The following CDH17 variants were observed in gnomAD, a reference collection of about 807,000 sequenced individuals.
CDH17 encodes cadherin-17.
In CDH17, 67 loss-of-function variants were observed where a neutral mutation model predicts 86.3. The ratio of observed to expected loss-of-function variants is 0.78; its 90% CI spans 0.64 to 0.95. The LOEUF is 0.95. Ranked by LOEUF, CDH17 falls within the 40% of genes least tolerant of loss-of-function variation. The pLI, the probability that CDH17 is intolerant of heterozygous loss-of-function variation, is 0.00. For missense variants in CDH17, 993 were observed against 1,017.6 expected (o/e 0.98, Z 0.33); for synonymous variants, 367 against 366.4 (o/e 1.00, Z -0.02).
chr8:94,185,600 AG>A (rs1813564165), intron 3 of CDH17, among the ~76,000 whole-genome samples: 1 of 152,218 alleles, frequency 6.6e-6, no homozygotes, highest in Non-Finnish European at 1.5e-5. Flanking sequence ...CTGTACTCAC[AG>A]AACACCTACT....
At chr8:94,201,790 C>CA (rs1442233535) in intron 1 of CDH17, 1 of 153,568 alleles carries the variant, frequency 6.5e-6, no homozygotes, top group East Asian at 1.9e-4. Context: ...CTAGGGACCC[C>CA]CCGCATCCCA....
chr8:94,176,530 C>A lies in CDH17; in HGVS notation c.424+11G>T. ...ATCTTTCCATAAATATCTCTGGCCCCTGCCTGTTACCTGGGCGAGAGTTCT... is the reference window on the plus strand; with the variant it reads ...ATCTTTCCATAAATATCTCTGGCCCATGCCTGTTACCTGGGCGAGAGTTCT... On this transcript the variant is annotated intron_variant, in intron 5 of 17. Coordinates refer to ENST00000027335, the MANE Select transcript of CDH17 (RefSeq NM_004063.4). The A allele has an allele frequency of 6.2e-7, 1 of 1,613,348 alleles. No homozygotes were observed. The highest frequency in any genetic ancestry group is 8.5e-7 in the Non-Finnish European group (1 of 1,179,532).
intron 1 of CDH17, among the ~76,000 whole-genome samples, chr8:94,204,348 T>TAA (rs1813982431): frequency 2.0e-5 from 3 of 151,396 alleles, no homozygotes; most frequent in Admixed American, 2.0e-4. Context: ...TTCCCCTGTG[T>TAA]CATGTGTTCT....
chr8:94,165,906 G>A lies in CDH17; in HGVS notation c.1137C>T (p.Tyr379=), dbSNP rs1463517803. The A allele has an allele frequency of 6.2e-7, 1 of 1,613,824 alleles. No individual in the cohort carries two copies. Among genetic ancestry groups the A allele is most frequent in the Non-Finnish European group, 8.5e-7 (1 of 1,179,808 alleles). The part of the protein sequence containing the change: ...EENTANSFLN[Y]RIVEQTPKLP... ...GTTTGGGAGTTTGCTCCACAATCCT[G>A]TAGTTTAGAAAACTGTTGGCAGTAT... The change falls in exon 10 of 18, where the codon TAC becomes TAT. Residue 379 remains tyrosine, a synonymous_variant. Coordinates refer to ENST00000027335, the MANE Select transcript of CDH17 (RefSeq NM_004063.4).
At chr8:94,135,544 G>A (rs1395447432) in intron 15 of CDH17, among the ~76,000 whole-genome samples, 4 of 152,112 alleles carry the variant, frequency 2.6e-5, no homozygotes, top group African/African-American at 9.7e-5. Context: ...TTGAGTCTAT[G>A]TGTTTCTCTG....
At chr8:94,208,713 G>C (rs1046794415), upstream of CDH17, 11 of 122,544 alleles carry the variant, frequency 9.0e-5, no homozygotes, top group Non-Finnish European at 2.0e-4. Context: ...GGAAAGAAAT[G>C]ACTTTGTATC....
intron 3 of CDH17, among the ~76,000 whole-genome samples, chr8:94,184,315 T>C (rs914057651): frequency 4.0e-5 from 6 of 151,786 alleles, no homozygotes; most frequent in African/African-American, 1.2e-4. Flanking sequence ...TAGCCATAAA[T>C]GAAAAAAAAT....
chr8:94,201,331 A>G (rs1813907861), intron 1 of CDH17, among the ~76,000 whole-genome samples: 1 of 152,248 alleles, frequency 6.6e-6, no homozygotes, highest in Admixed American at 6.5e-5. Flanking sequence ...CAAAAAGCAT[A>G]TGTTGGAGTC....
Position 94,170,961 on chromosome 8 carries a change from G to C in CDH17, c.808C>G (p.Gln270Glu). ...TQVRWNDPGA[Q>E]YSLVDKEKLP... is the part of the protein sequence containing the mutation. Reference sequence around the variant, plus strand: ...TTCTCTTTGTCAACTAAGGAATATTGTGCACCGGGATCATTCCACCGCACC... The same window carrying C: ...TTCTCTTTGTCAACTAAGGAATATTCTGCACCGGGATCATTCCACCGCACC... Residue 270 changes from glutamine to glutamate, a missense_variant, in exon 8 of 18, where the codon CAA becomes GAA. Transcript: ENST00000027335. 1.2e-6 allele frequency: 2 copies of C among 1,613,660 alleles called. No individual in the cohort carries two copies. The highest frequency in any genetic ancestry group is 1.7e-6 in the Non-Finnish European group (2 of 1,179,762).
At chr8:94,170,298 G>A in intron 9 of CDH17, 99 bp downstream of exon 9, 10 of 1,233,746 alleles carry the variant, frequency 8.1e-6, no homozygotes, top group Non-Finnish European at 1.0e-5. Flanking sequence ...GGAAGACATG[G>A]ATTACTGACT....
intron 12 of CDH17, among the ~76,000 whole-genome samples, chr8:94,153,984 TAAC>T (rs1403383392): frequency 2.0e-5 from 3 of 152,214 alleles, no homozygotes; most frequent in African/African-American, 7.2e-5. Context: ...GTACTATAGT[TAAC>T]AACAATATAG....
intron 10 of CDH17, among the ~76,000 whole-genome samples, 195 bp downstream of exon 10, chr8:94,165,566 A>C (rs1813135533): frequency 6.6e-6 from 1 of 152,134 alleles, no homozygotes; most frequent in South Asian, 2.1e-4. Flanking sequence ...CCAACACAAC[A>C]ATGGTGCCTG....
intron 15 of CDH17, among the ~76,000 whole-genome samples, chr8:94,133,281 T>C (rs1003720367): frequency 6.6e-6 from 1 of 152,212 alleles, no homozygotes; most frequent in African/African-American, 2.4e-5. Context: ...CGACATTGAT[T>C]CTTCCTGTCC....
chr8:94,148,720 TG>T (rs374967287), intron 14 of CDH17, 23 bp downstream of exon 14: 38,236 of 1,200,004 alleles, frequency 0.032, 1,891 homozygotes, highest in Admixed American at 0.064. Context: ...CCTTTTTTTT[TG>T]TTTTTTTTTT....
chr8:94,193,821 A>T (rs1813730758), intron 2 of CDH17, among the ~76,000 whole-genome samples: 1 of 151,952 alleles, frequency 6.6e-6, no homozygotes, highest in Non-Finnish European at 1.5e-5. Flanking sequence ...TCAATTTCAC[A>T]CTGTCACTAT....
At chr8:94,175,707 A>T (rs965769394) in intron 5 of CDH17, among the ~76,000 whole-genome samples, 1 of 152,094 alleles carries the variant, frequency 6.6e-6, no homozygotes. Context: ...TGAAAGGTAG[A>T]AGGTCAATGC....
rs150220127 is a variant in CDH17 at position 94,155,999 on chromosome 8, G to T, written c.1552-3887C>A. Among the ~76,000 whole-genome samples the T allele has an allele frequency of 1.2e-3, 187 of 152,312 alleles. 1 individual carries two copies. The highest frequency in any genetic ancestry group is 4.3e-3 in the African/African-American group (178 of 41,578). ...CAGAGCTGAGCCAAGAACAAGCCTT[G>T]TCCGGCCACGTGCATTGTGTTTCAT... On this transcript the variant is annotated intron_variant, in intron 12 of 17. Coordinates refer to ENST00000027335, the MANE Select transcript of CDH17 (RefSeq NM_004063.4).
chr8:94,154,617 G>A (rs1422701760), intron 12 of CDH17, among the ~76,000 whole-genome samples: 2 of 152,118 alleles, frequency 1.3e-5, no homozygotes, highest in Non-Finnish European at 2.9e-5. Context: ...GGCTACCCAA[G>A]AGTACTCCCC....
At chr8:94,171,807 A>C (rs1813274154) in intron 7 of CDH17, among the ~76,000 whole-genome samples, 1 of 152,188 alleles carries the variant, frequency 6.6e-6, no homozygotes. Flanking sequence ...AAATTTCCAC[A>C]GTAAACTATT....
Sources: allele counts gnomAD v4.1 joint callset (sites outside exome capture counted in the v4.1 genomes callset), GRCh38; gene constraint gnomAD v4.1.1; transcripts MANE v1.5; gene names NCBI Gene and HGNC (gene_info 2026-07-23, HGNC 2026-07-21).